Variants in GLIS1 observed in about 807,000 individuals in gnomAD.
The protein encoded by GLIS1 is GLIS family zinc finger 1.
A neutral mutation model predicts 63.8 loss-of-function variants in GLIS1; 24 were observed. That is an observed-to-expected ratio of 0.38 (90% CI 0.27 to 0.53). The LOEUF is 0.53. Among genes scored for constraint, GLIS1 ranks in the 20% least tolerant of loss-of-function variants. The pLI, the probability that GLIS1 is intolerant of heterozygous loss-of-function variation, is 0.85. For missense variants in GLIS1, 1,036 were observed against 1,074.1 expected (o/e 0.96, Z 0.50); for synonymous variants, 450 against 482.5 (o/e 0.93, Z 0.88).
intron 2 of GLIS1, among the ~76,000 whole-genome samples, chr1:53,614,920 T>A (rs370847550): frequency 6.6e-6 from 1 of 150,580 alleles, no homozygotes; most frequent in Non-Finnish European, 1.5e-5. Flanking sequence ...TCACACACAC[T>A]CTCACACACA....
At chr1:53,634,516 A>G (rs1363863087) in intron 2 of GLIS1, among the ~76,000 whole-genome samples, 1 of 152,158 alleles carries the variant, frequency 6.6e-6, no homozygotes, top group African/African-American at 2.4e-5. Context: ...GGCTGCTTAC[A>G]AGACAGACAA....
At chr1:53,625,046 G>T (rs1161039186) in intron 2 of GLIS1, among the ~76,000 whole-genome samples, 1 of 152,184 alleles carries the variant, frequency 6.6e-6, no homozygotes, top group Admixed American at 6.5e-5. Flanking sequence ...GCTCTATCAT[G>T]AAGGACTGCA....
At chr1:53,591,234 G>A (rs1645190378) in intron 4 of GLIS1, among the ~76,000 whole-genome samples, 2 of 152,132 alleles carry the variant, frequency 1.3e-5, no homozygotes, top group Non-Finnish European at 2.9e-5. Context: ...TGCTGGTTGA[G>A]GCCCACCCCT....
Position 53,594,305 on chromosome 1 carries a change from C to T in GLIS1, c.1123G>A (p.Val375Met), listed in dbSNP as rs1645225386. 3 of 1,612,400 alleles carry T rather than the reference C, an allele frequency of 1.9e-6. No homozygotes were observed. The highest frequency in any genetic ancestry group is 1.3e-5 in the African/African-American group (1 of 74,932). ...VVAGRQACRWVDCCAAYEQQE... is the reference protein window; with the variant it reads ...VVAGRQACRWMDCCAAYEQQE... Reference sequence around the variant, plus strand: ...TGCTCATAGGCTGCACAGCAGTCCACCCAGCGGCACGCCTGCCGCCCGGCC... The same window carrying T: ...TGCTCATAGGCTGCACAGCAGTCCATCCAGCGGCACGCCTGCCGCCCGGCC... Residue 375 changes from valine to methionine, a missense_variant, in exon 4 of 11, where the codon GTG becomes ATG. By Grantham distance (21) the Val-to-Met change is conservative. Coordinates refer to ENST00000628545, the MANE Select transcript of GLIS1 (RefSeq NM_001367484.1).
intron 2 of GLIS1, among the ~76,000 whole-genome samples, chr1:53,715,465 G>T (rs1354198054): frequency 1.3e-5 from 2 of 152,220 alleles, no homozygotes; most frequent in African/African-American, 4.8e-5. Context: ...GGCCAGGGCA[G>T]AAGAACAGAG....
intron 4 of GLIS1, among the ~76,000 whole-genome samples, chr1:53,565,988 C>T (rs1008808347): frequency 2.0e-5 from 3 of 151,732 alleles, no homozygotes; most frequent in African/African-American, 7.3e-5. Context: ...TGGGTGGATC[C>T]CAAGAATGTA....
At chr1:53,550,809 G>T (rs1644750269) in intron 4 of GLIS1, among the ~76,000 whole-genome samples, 1 of 152,024 alleles carries the variant, frequency 6.6e-6, no homozygotes, top group Non-Finnish European at 1.5e-5. Flanking sequence ...GGGGTGACAG[G>T]TTCAGACGCT....
chr1:53,683,342 C>A (rs1646296817), intron 2 of GLIS1, among the ~76,000 whole-genome samples: 1 of 8,532 alleles, frequency 1.2e-4, no homozygotes, highest in African/African-American at 1.4e-4. Flanking sequence ...GTCCCCAGAG[C>A]CTGAGCCCCC....
intron 2 of GLIS1, among the ~76,000 whole-genome samples, chr1:53,643,998 C>T (rs528282165): frequency 6.6e-6 from 1 of 152,310 alleles, no homozygotes; most frequent in South Asian, 2.1e-4. Context: ...GAGTTCTTTC[C>T]CTGATAAAGA....
At chr1:53,538,111 G>A (rs1462945401) in intron 4 of GLIS1, among the ~76,000 whole-genome samples, 2 of 152,244 alleles carry the variant, frequency 1.3e-5, no homozygotes, top group South Asian at 2.1e-4. Flanking sequence ...GTGCTCCCCC[G>A]TGGGGCTCCT....
At chr1:53,530,038 C>T in intron 4 of GLIS1, 86 bp from the exon 5 acceptor site, 1 of 1,266,584 alleles carries the variant, frequency 7.9e-7, no homozygotes. Context: ...CCTGCCTGGC[C>T]CCAGCACCCC....
chr1:53,534,334 C>T (rs1041209380), intron 4 of GLIS1, among the ~76,000 whole-genome samples: 8 of 152,058 alleles, frequency 5.3e-5, no homozygotes, highest in African/African-American at 1.7e-4. Flanking sequence ...GCCTGCACCA[C>T]AGGGAGTGCC....
chr1:53,550,291 CCCATTAA>C (rs1348485942), intron 4 of GLIS1, among the ~76,000 whole-genome samples: 2 of 152,164 alleles, frequency 1.3e-5, no homozygotes, highest in African/African-American at 4.8e-5. Flanking sequence ...CAGCTCAGCC[CCCATTAA>C]CACATTAGCA....
intron 2 of GLIS1, among the ~76,000 whole-genome samples, chr1:53,642,569 C>G (rs1203921279): frequency 2.0e-5 from 3 of 152,196 alleles, no homozygotes; most frequent in Non-Finnish European, 4.4e-5. Flanking sequence ...CTGTAACACC[C>G]AAGTCAAGTG....
At chr1:53,514,904 T>C in intron 7 of GLIS1, 123 bp from the exon 8 acceptor site, 1 of 1,210,948 alleles carries the variant, frequency 8.3e-7, no homozygotes, top group South Asian at 1.6e-5. Flanking sequence ...TGAACAACGT[T>C]GTATCACTGG....
rs1644399178 is a variant in GLIS1, at chr1:53,520,700, T to C, written c.1660A>G (p.Thr554Ala). 6.2e-7 allele frequency: 1 copy of C among 1,607,462 alleles called. No homozygotes were observed. The highest frequency in any genetic ancestry group is 8.5e-7 in the Non-Finnish European group (1 of 1,177,732). ...TECLVLQQLH[T>A]STQLAASDGK... ...TCGCTGGCAGCCAGCTGTGTGGACG[T>C]GTGGAGCTGCTGCAGGACCAGACAC... The change falls in exon 7 of 11, where the codon ACG becomes GCG. Residue 554 changes from threonine to alanine, a missense_variant. Thr to Ala is a moderately conservative substitution (Grantham distance 58). Around this residue, in one of 3 missense-constraint regions of GLIS1, gnomAD observed 400 missense variants for 400.9 expected, o/e 1.00. Coordinates refer to ENST00000628545, the MANE Select transcript of GLIS1 (RefSeq NM_001367484.1).
chr1:53,599,616 C>T lies in GLIS1; in HGVS notation c.437+485G>A, dbSNP rs148463339. Among the ~76,000 whole-genome samples the T allele has an allele frequency of 2.3e-3, 348 of 152,360 alleles. 2 individuals carry two copies. The highest frequency in any genetic ancestry group is 8.1e-3 in the African/African-American group (338 of 41,592). On this transcript the variant is annotated intron_variant, in intron 3 of 10. Coordinates refer to ENST00000628545, the MANE Select transcript of GLIS1 (RefSeq NM_001367484.1). ...AGACCCCAGGAGAAGCTGTAGGAGG[C>T]GGGCGTCAGCCCAGTGCACACCCTA...
chr1:53,666,700 C>T (rs1046767795), intron 2 of GLIS1, among the ~76,000 whole-genome samples: 1 of 152,130 alleles, frequency 6.6e-6, no homozygotes, highest in Admixed American at 6.5e-5. Flanking sequence ...CCCAGACAAG[C>T]CCCTGGATGG....
intron 6 of GLIS1, among the ~76,000 whole-genome samples, chr1:53,521,833 G>A (rs1413877435): frequency 6.6e-6 from 1 of 152,228 alleles, no homozygotes; most frequent in East Asian, 1.9e-4. Context: ...TCAGGACACT[G>A]GATGATGACT....
Sources: allele counts gnomAD v4.1 joint callset (sites outside exome capture counted in the v4.1 genomes callset), GRCh38; gene constraint gnomAD v4.1.1; regional missense constraint gnomAD v4.1.1; transcripts MANE v1.5; gene names NCBI Gene and HGNC (gene_info 2026-07-23, HGNC 2026-07-21).